The following N4BP2 variants were observed in gnomAD, a reference collection of about 807,000 sequenced individuals.
N4BP2 encodes the protein NEDD4-binding protein 2.
Under a neutral mutation model 152.8 loss-of-function variants are expected in N4BP2, and 91 were observed. The ratio of observed to expected loss-of-function variants is 0.60; its 90% CI spans 0.50 to 0.71. The LOEUF (loss-of-function observed/expected upper bound fraction) is 0.71, where lower values mean the gene tolerates loss of function less well. N4BP2 is among the 30% of genes least tolerant of loss of function. The pLI is 0.00. For synonymous variants in N4BP2, 646 were observed against 705.3 expected, an observed-to-expected ratio of 0.92 and a Z score of 1.33; for missense variants, 1,923 against 2,059.1, an observed-to-expected ratio of 0.93 and a Z score of 1.28.
chr4:40,170,780 A>G, the N4BP2 span, among the ~76,000 whole-genome samples: 3 of 152,172 alleles, frequency 2.0e-5, no homozygotes, highest in East Asian at 5.8e-4. Context: ...CAATAGCTCT[A>G]TCAGGTTATG....
At chr4:40,147,237 T>G (rs376166256) in intron 16 of N4BP2, among the ~76,000 whole-genome samples, 2 of 150,538 alleles carry the variant, frequency 1.3e-5, no homozygotes, top group Non-Finnish European at 1.5e-5. Flanking sequence ...GGTAAGGTCA[T>G]AGATCAACAG....
chr4:40,136,395 T>TATCTATC (rs1553926172), intron 13 of N4BP2, among the ~76,000 whole-genome samples: 1 of 113,828 alleles, frequency 8.8e-6, no homozygotes, highest in Admixed American at 8.8e-5. Context: ...TCTATCTATC[T>TATCTATC]TTTTTTTGAG....
At chr4:40,087,806 G>A (rs1714130603) in intron 2 of N4BP2, among the ~76,000 whole-genome samples, 1 of 151,882 alleles carries the variant, frequency 6.6e-6, no homozygotes. Context: ...AGGCTGAATG[G>A]CTCGATCTCG....
At chr4:40,070,056 A>G (rs1282114128) in intron 1 of N4BP2, among the ~76,000 whole-genome samples, 1 of 152,232 alleles carries the variant, frequency 6.6e-6, no homozygotes, top group African/African-American at 2.4e-5. Context: ...GTACATTTTA[A>G]AAACTTTCAT....
Position 40,152,874 on chromosome 4 carries a change from C to T in N4BP2, c.5238C>T (p.Val1746=), listed in dbSNP as rs1721267411. The T allele has an allele frequency of 6.2e-7, 1 of 1,614,004 alleles. No homozygotes were observed. Among genetic ancestry groups the T allele is most frequent in the Non-Finnish European group, 8.5e-7 (1 of 1,179,920 alleles). Residue 1746 remains valine, a synonymous_variant, in exon 17 of 18, where the codon GTC becomes GTT. Coordinates refer to ENST00000261435, the MANE Select transcript of N4BP2 (RefSeq NM_018177.6). ...GAGTTGCTCGCATCAAACCAGCTGT[C>T]ATTAAGTACCTCATAAGCCATAGCT... ...QGGVARIKPA[V]IKYLISHSFR...
At chr4:40,183,786 G>A in the N4BP2 span, among the ~76,000 whole-genome samples, 2 of 152,186 alleles carry the variant, frequency 1.3e-5, no homozygotes, top group South Asian at 2.1e-4. Flanking sequence ...GTAAGAGGTG[G>A]TAAGTGAGTC....
intron 16 of N4BP2, among the ~76,000 whole-genome samples, chr4:40,151,717 A>C (rs779455018): frequency 1.3e-5 from 2 of 152,232 alleles, no homozygotes; most frequent in Non-Finnish European, 2.9e-5. Context: ...TACCTTTGTG[A>C]AGCTAGCACT....
rs746522648 is a variant in N4BP2, at chr4:40,102,531, A to C, written c.686A>C (p.Lys229Thr). ...TTGAACGAGTCCAAGTGTTTTATAA[A>C]GGATAACACATTGGCTTTGGAAAGT... ...SVLNESKCFI[K>T]DNTLALESNY... The change falls in exon 4 of 18, where the codon AAG (lysine) becomes ACG (threonine). Residue 229 changes from lysine (K) to threonine (T), a missense_variant. Transcript: ENST00000261435. 5 of 1,614,222 alleles carry C rather than the reference A, an allele frequency of 3.1e-6. No individual in the cohort carries two copies. The highest frequency in any genetic ancestry group is 4.2e-6 in the Non-Finnish European group (5 of 1,180,034).
At chr4:40,176,015 G>A in the N4BP2 span, among the ~76,000 whole-genome samples, 25 of 151,068 alleles carry the variant, frequency 1.7e-4, no homozygotes, top group African/African-American at 5.8e-4. Context: ...GCGTGAACCC[G>A]GGAGGCAGAG....
rs1208001312 is a variant in N4BP2 at position 40,102,673 on chromosome 4, G to A, written c.828G>A (p.Glu276=). 1.2e-6 allele frequency: 2 copies of A among 1,614,046 alleles called. No homozygotes were observed. The highest frequency in any genetic ancestry group is 1.7e-6 in the Non-Finnish European group (2 of 1,180,054). ...QKELLESECV[E]AQFSEAPVDL... is the part of the protein sequence containing the mutation. ...AACTTTTAGAATCTGAGTGCGTTGA[G>A]GCTCAATTCTCTGAAGCTCCTGTAG... Residue 276 remains glutamate (E), a synonymous_variant, in exon 4 of 18, where the codon GAG becomes GAA. Transcript: ENST00000261435.
At chr4:40,148,166 G>A (rs1204318972) in intron 16 of N4BP2, among the ~76,000 whole-genome samples, 1 of 152,248 alleles carries the variant, frequency 6.6e-6, no homozygotes, top group Non-Finnish European at 1.5e-5. Flanking sequence ...GCACCAATGA[G>A]CACTGAGTGA....
intron 10 of N4BP2, 72 bp from the exon 11 acceptor site, chr4:40,124,088 A>G: frequency 8.8e-7 from 1 of 1,138,912 alleles, no homozygotes. Flanking sequence ...AGAGAAAAAT[A>G]ATATAACCTT....
At chr4:40,140,832 A>T (rs1719856974) in intron 14 of N4BP2, among the ~76,000 whole-genome samples, 1 of 151,380 alleles carries the variant, frequency 6.6e-6, no homozygotes, top group African/African-American at 2.4e-5. Context: ...TTAACAAAGC[A>T]CATCTTGCAC....
At chr4:40,142,885 A>T in intron 15 of N4BP2, 24 bp downstream of exon 15, 3 of 1,602,460 alleles carry the variant, frequency 1.9e-6, no homozygotes, top group Non-Finnish European at 2.6e-6. Flanking sequence ...CTGATTATAT[A>T]TTTTTTGTCA....
At chr4:40,085,566 C>T (rs745771425) in intron 2 of N4BP2, among the ~76,000 whole-genome samples, 5 of 152,160 alleles carry the variant, frequency 3.3e-5, no homozygotes, top group Non-Finnish European at 5.9e-5. Context: ...AAGTGATCCT[C>T]CTGCCTAAGC....
At chr4:40,129,690 C>T (rs916177557) in intron 12 of N4BP2, among the ~76,000 whole-genome samples, 1 of 151,922 alleles carries the variant, frequency 6.6e-6, no homozygotes, top group Non-Finnish European at 1.5e-5. Context: ...AGGCTGGTCT[C>T]GAACTCCTGG....
intron 7 of N4BP2, 31 bp from the exon 8 acceptor site, chr4:40,117,838 C>T: frequency 1.3e-6 from 2 of 1,564,734 alleles, no homozygotes; most frequent in Non-Finnish European, 8.6e-7. Context: ...ATCAATATTC[C>T]TTCAACCCTT....
At chr4:40,075,946 T>C (rs1374238002) in intron 2 of N4BP2, among the ~76,000 whole-genome samples, 5 of 151,788 alleles carry the variant, frequency 3.3e-5, no homozygotes, top group Non-Finnish European at 7.4e-5. Context: ...CCTACCTCAG[T>C]CTCCTGAGCA....
chr4:40,148,443 AAG>A (rs1307350497), intron 16 of N4BP2, among the ~76,000 whole-genome samples: 1 of 146,098 alleles, frequency 6.8e-6, no homozygotes, highest in Non-Finnish European at 1.5e-5. Flanking sequence ...AGACCGTGGA[AAG>A]AGAGGGAGAG....
Sources: gnomAD v4.1 joint callset for allele counts (sites outside exome capture counted in the v4.1 genomes callset) on GRCh38, gnomAD v4.1.1 for gene constraint, MANE v1.5 for transcripts, NCBI Gene and HGNC (gene_info 2026-07-23, HGNC 2026-07-21) for gene names.